The following CACNA1A variants were observed in gnomAD, a reference collection of about 807,000 sequenced individuals.
CACNA1A encodes the protein voltage-dependent P/Q-type calcium channel subunit alpha-1A.
A neutral mutation model predicts 262.4 loss-of-function variants in CACNA1A; 57 were observed. The observed-to-expected ratio is 0.22, with a 90% CI of 0.18 to 0.27. CACNA1A has a LOEUF of 0.27. CACNA1A is among the 10% of genes least tolerant of loss of function. The pLI is 1.00. For missense variants in CACNA1A, 2,526 were observed against 3,562.8 expected, an observed-to-expected ratio of 0.71 and a Z score of 7.41; for synonymous variants, 1,431 against 1,419.3, an observed-to-expected ratio of 1.01 and a Z score of -0.18.
chr19:13,481,074 A>G (rs908134407), intron 1 of CACNA1A, among the ~76,000 whole-genome samples: 5 of 152,154 alleles, frequency 3.3e-5, no homozygotes, highest in Non-Finnish European at 7.4e-5. Context: ...ACACGGGATG[A>G]TAACAGTACC....
chr19:13,480,354 T>C (rs1487758354), intron 1 of CACNA1A, among the ~76,000 whole-genome samples: 1 of 152,208 alleles, frequency 6.6e-6, no homozygotes, highest in African/African-American at 2.4e-5. Flanking sequence ...ATAGTAAATA[T>C]ATTTTCTCTT....
intron 17 of CACNA1A, among the ~76,000 whole-genome samples, chr19:13,302,313 C>T (rs571318371): frequency 5.3e-5 from 8 of 152,124 alleles, no homozygotes; most frequent in Non-Finnish European, 1.2e-4. Flanking sequence ...TCTGTCTCCC[C>T]TCTTGAATCC....
At chr19:13,356,193 C>T (rs555330371) in intron 6 of CACNA1A, among the ~76,000 whole-genome samples, 4 of 152,208 alleles carry the variant, frequency 2.6e-5, no homozygotes, top group African/African-American at 4.8e-5. Flanking sequence ...AATTCATGCA[C>T]ATTTCTAAAA....
chr19:13,502,191 G>A (rs1982461866), intron 1 of CACNA1A, among the ~76,000 whole-genome samples: 1 of 149,246 alleles, frequency 6.7e-6, no homozygotes, highest in South Asian at 2.1e-4. Context: ...TGAGAGGAGT[G>A]CCAATCAGCC....
chr19:13,418,660 C>A (rs1245994156), intron 3 of CACNA1A, among the ~76,000 whole-genome samples: 1 of 152,016 alleles, frequency 6.6e-6, no homozygotes, highest in African/African-American at 2.4e-5. Context: ...ATGGAAGGAT[C>A]CTCCCCCGGA....
intron 3 of CACNA1A, among the ~76,000 whole-genome samples, chr19:13,445,989 A>G (rs1315442264): frequency 6.6e-6 from 1 of 152,190 alleles, no homozygotes; most frequent in Non-Finnish European, 1.5e-5. Context: ...GAAAGTACTC[A>G]TTAGGCCGGG....
chr19:13,439,321 G>A (rs994367803), intron 3 of CACNA1A, among the ~76,000 whole-genome samples: 1 of 151,454 alleles, frequency 6.6e-6, no homozygotes, highest in African/African-American at 2.4e-5. Context: ...TGTTAGCCAG[G>A]ATGGTCTCGA....
chr19:13,221,818 C>T (rs1425878818), intron 38 of CACNA1A, among the ~76,000 whole-genome samples: 3 of 152,116 alleles, frequency 2.0e-5, no homozygotes, highest in Admixed American at 6.5e-5. Flanking sequence ...GGTCTCTGCC[C>T]GCCTCCCTGG....
At chr19:13,255,691 T>TCCTTCCTTCCCTC (rs1568466196) in intron 28 of CACNA1A, among the ~76,000 whole-genome samples, 1 of 41,494 alleles carries the variant, frequency 2.4e-5, no homozygotes, top group African/African-American at 8.0e-5. Context: ...CTTCCTTCCT[T>TCCTTCCTTCCCTC]CCTCCCTCCT....
chr19:13,240,717 T>C (rs1461709671), intron 31 of CACNA1A, among the ~76,000 whole-genome samples: 1 of 146,888 alleles, frequency 6.8e-6, no homozygotes, highest in South Asian at 2.2e-4. Flanking sequence ...ATAGTGACTG[T>C]GTGCAGTGAC....
At chr19:13,441,204 A>C (rs1001304488) in intron 3 of CACNA1A, among the ~76,000 whole-genome samples, 35 of 152,140 alleles carry the variant, frequency 2.3e-4, no homozygotes, top group African/African-American at 8.4e-4. Context: ...CACAGCTTGG[A>C]AACAGTGGAG....
intron 3 of CACNA1A, among the ~76,000 whole-genome samples, chr19:13,439,550 C>T (rs2060678243): frequency 6.6e-6 from 1 of 151,276 alleles, no homozygotes; most frequent in African/African-American, 2.4e-5. Flanking sequence ...CAGGTGACCG[C>T]CATCATGCCT....
intron 10 of CACNA1A, among the ~76,000 whole-genome samples, chr19:13,319,149 C>T (rs911366598): frequency 2.0e-5 from 3 of 152,152 alleles, no homozygotes; most frequent in Non-Finnish European, 2.9e-5. Flanking sequence ...CCCGCCTCAG[C>T]GTCCCTAAGC....
At position 13,241,880 on chromosome 19, in the gene CACNA1A, A is replaced by C. The variant is rs1427765264; in HGVS notation, c.4950+3302T>G. On this transcript the variant is annotated intron_variant, in intron 31 of 46. Transcript: ENST00000360228. The surrounding 1 kb of genome is among the most constrained non-coding windows in gnomAD (Gnocchi z 4.0). The stretch of plus-strand genomic sequence containing the variant: ...AGGGCAAACCCACATCACCCCAGCC[A>C]CTTGGGGGCAGCAGCTGAGACAGCA... Among the ~76,000 whole-genome samples the C allele has an allele frequency of 6.6e-6, 1 of 152,188 alleles. No homozygotes were observed. The highest frequency in any genetic ancestry group is 6.6e-5 in the Admixed American group (1 of 15,266).
At chr19:13,272,115 A>G (rs1315588150) in intron 24 of CACNA1A, 1 of 152,270 alleles carries the variant, frequency 6.6e-6, no homozygotes, top group Non-Finnish European at 1.5e-5. Context: ...CAGCTACAAC[A>G]GAGGTCTGAG....
rs141059769 is a variant in CACNA1A at position 13,454,918 on chromosome 19, C to T, written c.399+189G>A. Among the ~76,000 whole-genome samples the T allele has an allele frequency of 1.6e-3, 249 of 152,104 alleles. 2 individuals are homozygous for T. Among genetic ancestry groups the T allele is most frequent in the East Asian group, 0.013 (69 of 5,168 alleles). On this transcript the variant is annotated intron_variant, in intron 2 of 46. Coordinates refer to ENST00000360228, the MANE Select transcript of CACNA1A (RefSeq NM_001127222.2). ...AGGCTGCAGTGAGCTATGACTGAAC[C>T]ACTGCACTCCAGCCTGGGTGACAGA...
At chr19:13,471,147 A>C (rs1276329778) in intron 1 of CACNA1A, among the ~76,000 whole-genome samples, 1 of 152,078 alleles carries the variant, frequency 6.6e-6, no homozygotes, top group Non-Finnish European at 1.5e-5. Context: ...AAAAGCACTT[A>C]CCATGGAATC....
intron 19 of CACNA1A, among the ~76,000 whole-genome samples, chr19:13,298,100 G>A (rs2057703678): frequency 6.6e-6 from 1 of 150,474 alleles, no homozygotes; most frequent in Non-Finnish European, 1.5e-5. Flanking sequence ...TGGGATTACA[G>A]GCATGAGCCA....
chr19:13,405,532 T>C (rs957463024), intron 3 of CACNA1A, among the ~76,000 whole-genome samples: 1 of 152,152 alleles, frequency 6.6e-6, no homozygotes, highest in Admixed American at 6.5e-5. Flanking sequence ...TATTGCATTA[T>C]TATCAACAGT....
Sources: gnomAD v4.1 joint callset for allele counts (sites outside exome capture counted in the v4.1 genomes callset) on GRCh38, gnomAD v4.1.1 for gene constraint, Gnocchi (gnomAD v3.1) non-coding constraint, MANE v1.5 for transcripts, NCBI Gene and HGNC (gene_info 2026-07-23, HGNC 2026-07-21) for gene names.